The following KAZN variants were observed in gnomAD, a reference collection of about 807,000 sequenced individuals.
KAZN encodes the protein kazrin.
A neutral mutation model predicts 87.4 loss-of-function variants in KAZN; 40 were observed. The ratio of observed to expected loss-of-function variants is 0.46; its 90% CI spans 0.36 to 0.60. KAZN has a LOEUF of 0.60. Ranked by LOEUF, KAZN falls within the 20% of genes least tolerant of loss-of-function variation. KAZN has a pLI of 0.00. For missense variants in KAZN, 898 were observed against 1,073.9 expected, an observed-to-expected ratio of 0.84 and a Z score of 2.29; for synonymous variants, 466 against 458.3, an observed-to-expected ratio of 1.02 and a Z score of -0.22.
chr1:14,131,847 G>T (rs1644998816), intron 1 of KAZN, among the ~76,000 whole-genome samples: 1 of 151,962 alleles, frequency 6.6e-6, no homozygotes, highest in South Asian at 2.1e-4. Flanking sequence ...TCTGCTTGGT[G>T]GTCTCTGGCA....
intron 1 of KAZN, among the ~76,000 whole-genome samples, chr1:14,788,632 G>A (rs1029254618): frequency 4.6e-5 from 7 of 152,076 alleles, no homozygotes; most frequent in Non-Finnish European, 1.0e-4. Context: ...AAAGCACCAG[G>A]CACCAAAGGG....
chr1:14,286,366 C>T (rs1653252737), intron 2 of KAZN, among the ~76,000 whole-genome samples: 1 of 152,208 alleles, frequency 6.6e-6, no homozygotes, highest in Admixed American at 6.5e-5. Flanking sequence ...AAGACCTTAT[C>T]TCCAAATACA....
At chr1:13,941,733 A>G (rs1223637850) in intron 1 of KAZN, among the ~76,000 whole-genome samples, 1 of 152,190 alleles carries the variant, frequency 6.6e-6, no homozygotes, top group Non-Finnish European at 1.5e-5. Context: ...AACCGGCCCC[A>G]AATAAAACAA....
chr1:14,950,424 G>A lies in KAZN; in HGVS notation c.227-10260G>A, dbSNP rs555718646. 9.7e-4 allele frequency among the ~76,000 whole-genome samples: 148 copies of A among 152,214 alleles called. 1 individual carries two copies. The highest frequency in any genetic ancestry group is 3.3e-3 in the African/African-American group (139 of 41,500). On this transcript the variant is annotated intron_variant, in intron 1 of 14. Coordinates refer to ENST00000376030, the MANE Select transcript of KAZN (RefSeq NM_201628.3). Reference sequence around the variant, plus strand: ...GCAGGGACCAGGCAGGAGAGGGGAGGCCAGGCTGGGCCTGAGAGGGTCAGC... The same window carrying A: ...GCAGGGACCAGGCAGGAGAGGGGAGACCAGGCTGGGCCTGAGAGGGTCAGC...
intron 10 of KAZN, among the ~76,000 whole-genome samples, chr1:15,101,232 CTCAG>C (rs1048243634): frequency 6.7e-6 from 1 of 148,396 alleles, no homozygotes; most frequent in African/African-American, 2.4e-5. Context: ...GCTCCTTTCT[CTCAG>C]TGTCTCTCTC....
chr1:14,534,675 G>A (rs1311481847), intron 2 of KAZN, among the ~76,000 whole-genome samples: 1 of 152,038 alleles, frequency 6.6e-6, no homozygotes, highest in Non-Finnish European at 1.5e-5. Flanking sequence ...AAAAACTGTA[G>A]CACTGTTCAA....
At chr1:14,486,646 G>A (rs528496067) in intron 2 of KAZN, among the ~76,000 whole-genome samples, 7 of 152,322 alleles carry the variant, frequency 4.6e-5, no homozygotes, top group African/African-American at 1.7e-4. Flanking sequence ...GAAGATGGTT[G>A]AGTCAGATAG....
intron 1 of KAZN, among the ~76,000 whole-genome samples, chr1:14,805,799 AATAAT>A (rs1553135315): frequency 8.2e-6 from 1 of 122,486 alleles, no homozygotes; most frequent in Non-Finnish European, 1.7e-5. Context: ...TAATAATAAT[AATAAT>A]AAATTAAAAT....
chr1:15,048,606 G>T lies in KAZN; in HGVS notation c.726+4447G>T, dbSNP rs1010677194. 3.5e-4 allele frequency among the ~76,000 whole-genome samples: 47 copies of T among 133,406 alleles called. 1 individual carries two copies. The East Asian group carries it at 8.9e-3, about 25-fold the overall frequency. The allele number at this position is 133,406 out of a possible 152,430, so 87.5% of individuals were successfully genotyped here. A position where few individuals can be genotyped will look rare whatever the true frequency, so the allele number is the denominator to read the frequency against. On this transcript the variant is annotated intron_variant, in intron 4 of 14. Transcript: ENST00000376030. ...TCGTTGGTCCTGGGTCGTCGGTCCT[G>T]GGTCGCTGGTCCTGGGTCGTCGGTC...
intron 2 of KAZN, among the ~76,000 whole-genome samples, chr1:14,454,959 C>G (rs978850155): frequency 3.3e-5 from 5 of 152,178 alleles, no homozygotes; most frequent in Non-Finnish European, 7.3e-5. Flanking sequence ...CTTGCAGGCA[C>G]CTGAAGGCTT....
intron 1 of KAZN, among the ~76,000 whole-genome samples, chr1:13,907,181 T>A (rs550591092): frequency 6.6e-6 from 1 of 152,264 alleles, no homozygotes; most frequent in East Asian, 1.9e-4. Flanking sequence ...CCTGAGAAGG[T>A]ATCTCCACCA....
At chr1:14,505,829 C>A (rs1670555666) in intron 2 of KAZN, among the ~76,000 whole-genome samples, 1 of 146,060 alleles carries the variant, frequency 6.8e-6, no homozygotes, top group East Asian at 1.9e-4. Flanking sequence ...AAAAAATTAG[C>A]CAGGCGTGGC....
intron 1 of KAZN, among the ~76,000 whole-genome samples, chr1:14,811,490 A>G (rs1180360770): frequency 6.6e-6 from 1 of 152,252 alleles, no homozygotes; most frequent in Non-Finnish European, 1.5e-5. Flanking sequence ...CGAATAGTAG[A>G]TCAGTATTTT....
chr1:14,499,405 C>A (rs1361033136), intron 2 of KAZN, among the ~76,000 whole-genome samples: 1 of 152,196 alleles, frequency 6.6e-6, no homozygotes, highest in Non-Finnish European at 1.5e-5. Flanking sequence ...TGAGGCTCTG[C>A]CATGGGATCG....
intron 1 of KAZN, among the ~76,000 whole-genome samples, chr1:14,811,807 A>G (rs1446799905): frequency 6.6e-6 from 1 of 152,226 alleles, no homozygotes; most frequent in African/African-American, 2.4e-5. Context: ...ATTTAATGAA[A>G]TGCATATTAT....
chr1:13,909,448 T>C (rs879445143), intron 1 of KAZN, among the ~76,000 whole-genome samples: 2 of 152,076 alleles, frequency 1.3e-5, no homozygotes, highest in Middle Eastern at 3.2e-3. Context: ...CCGTCTAGCA[T>C]TGGAAGGTGG....
intron 3 of KAZN, 109 bp from the exon 4 acceptor site, chr1:15,043,880 T>A: frequency 8.9e-7 from 1 of 1,118,526 alleles, no homozygotes; most frequent in Non-Finnish European, 1.2e-6. Context: ...CCTGACCTCG[T>A]GACCCCACTT....
chr1:15,098,160 C>T (rs192653059), intron 10 of KAZN, among the ~76,000 whole-genome samples: 23 of 152,338 alleles, frequency 1.5e-4, no homozygotes, highest in South Asian at 4.1e-4. Flanking sequence ...TTCCGTGCTG[C>T]GCCGTGACCC....
chr1:13,971,320 T>C (rs1316147046), intron 1 of KAZN, among the ~76,000 whole-genome samples: 1 of 152,216 alleles, frequency 6.6e-6, no homozygotes, highest in Admixed American at 6.5e-5. Flanking sequence ...ATTTACGCCA[T>C]AGCAAGTCAC....
Sources: allele counts gnomAD v4.1 joint callset (sites outside exome capture counted in the v4.1 genomes callset), GRCh38; gene constraint gnomAD v4.1.1; transcripts MANE v1.5; gene names NCBI Gene and HGNC (gene_info 2026-07-23, HGNC 2026-07-21).